FUT8: variants seen among roughly 807,000 people sequenced by gnomAD.
The protein encoded by FUT8 is alpha-(1,6)-fucosyltransferase.
FUT8 carries 29 observed loss-of-function variants against 71.3 expected under a neutral mutation model. That is an observed-to-expected ratio of 0.41 (90% CI 0.30 to 0.55). The LOEUF is 0.55. Among genes scored for constraint, FUT8 ranks in the 20% least tolerant of loss-of-function variants. The pLI, the probability that FUT8 is intolerant of heterozygous loss-of-function variation, is 0.34. For synonymous variants in FUT8, 254 were observed against 239.3 expected, an observed-to-expected ratio of 1.06 and a Z score of -0.57; for missense variants, 544 against 702.1, an observed-to-expected ratio of 0.77 and a Z score of 2.55.
intron 2 of FUT8, among the ~76,000 whole-genome samples, chr14:65,504,005 C>T (rs1289064322): frequency 6.6e-6 from 1 of 152,134 alleles, no homozygotes; most frequent in Non-Finnish European, 1.5e-5. Context: ...TGGCTGATTG[C>T]CGCAGTTGGA....
At chr14:65,447,542 A>T (rs1407401663) in intron 1 of FUT8, among the ~76,000 whole-genome samples, 1 of 151,800 alleles carries the variant, frequency 6.6e-6, no homozygotes, top group Non-Finnish European at 1.5e-5. Flanking sequence ...TCTTCTGAAA[A>T]TTTTTTTTCT....
intron 1 of FUT8, among the ~76,000 whole-genome samples, chr14:65,428,254 A>G (rs1181016845): frequency 6.6e-6 from 1 of 152,218 alleles, no homozygotes; most frequent in Non-Finnish European, 1.5e-5. Context: ...CTGGATCAAA[A>G]AAATGAGGCT....
chr14:65,716,371 C>T (rs535998520), intron 7 of FUT8, among the ~76,000 whole-genome samples: 1 of 146,554 alleles, frequency 6.8e-6, no homozygotes, highest in African/African-American at 2.5e-5. Flanking sequence ...TATATAGTGA[C>T]CTTCTTTGTC....
chr14:65,383,265 C>CTTTTTTTTTTTTTTTTTTT, the FUT8 span, among the ~76,000 whole-genome samples: 7 of 86,514 alleles, frequency 8.1e-5, no homozygotes, highest in African/African-American at 2.0e-4. Context: ...TTTTTCTTTT[C>CTTTTTTTTTTTTTTTTTTT]TTTTTTTTTT....
the FUT8 span, among the ~76,000 whole-genome samples, chr14:65,380,000 G>C: frequency 6.6e-6 from 1 of 152,162 alleles, no homozygotes; most frequent in Non-Finnish European, 1.5e-5. Context: ...CTTCCCCAAA[G>C]GCCCCACCTC....
chr14:65,505,279 A>G (rs1340740723), intron 2 of FUT8, among the ~76,000 whole-genome samples: 3 of 149,450 alleles, frequency 2.0e-5, no homozygotes, highest in African/African-American at 4.9e-5. Context: ...TACTTTAGCT[A>G]GAAACTATGT....
At chr14:65,442,179 CT>C (rs1021625986) in intron 1 of FUT8, among the ~76,000 whole-genome samples, 3,279 of 140,410 alleles carry the variant, frequency 0.023, 54 homozygotes, top group African/African-American at 0.055. Context: ...TAAGGGTGGA[CT>C]TTTTTTTTTT....
intron 1 of FUT8, among the ~76,000 whole-genome samples, chr14:65,417,615 A>G (rs985102405): frequency 2.0e-5 from 3 of 152,144 alleles, no homozygotes; most frequent in African/African-American, 7.2e-5. Flanking sequence ...TTACCCATCT[A>G]CTTTAAAAAA....
At chr14:65,426,945 G>C (rs1299928116) in intron 1 of FUT8, among the ~76,000 whole-genome samples, 1 of 151,922 alleles carries the variant, frequency 6.6e-6, no homozygotes, top group African/African-American at 2.4e-5. Context: ...TGTAAGCTCT[G>C]CCTCCCGGGT....
At chr14:65,640,136 A>G (rs536745316) in intron 6 of FUT8, among the ~76,000 whole-genome samples, 2 of 152,200 alleles carry the variant, frequency 1.3e-5, no homozygotes, top group East Asian at 3.9e-4. Context: ...TAAAGAAATA[A>G]AGCAATAAAG....
At chr14:65,570,423 G>A (rs1886408280) in intron 3 of FUT8, among the ~76,000 whole-genome samples, 1 of 151,476 alleles carries the variant, frequency 6.6e-6, no homozygotes, top group African/African-American at 2.4e-5. Flanking sequence ...TTTTCTGGGA[G>A]TGGTGGGGAG....
At chr14:65,383,274 T>TTTTTTTC in the FUT8 span, among the ~76,000 whole-genome samples, 5 of 86,854 alleles carry the variant, frequency 5.8e-5, no homozygotes, top group South Asian at 2.7e-3. Flanking sequence ...TCTTTTTTTT[T>TTTTTTTC]TTTTTTTTTT....
intron 7 of FUT8, among the ~76,000 whole-genome samples, chr14:65,680,663 G>A (rs551429806): frequency 3.3e-5 from 5 of 152,262 alleles, no homozygotes; most frequent in African/African-American, 4.8e-5. Flanking sequence ...GAAAGTATAC[G>A]TTTCTTTAAC....
intron 7 of FUT8, among the ~76,000 whole-genome samples, chr14:65,675,228 G>C (rs1383323543): frequency 6.6e-6 from 1 of 151,754 alleles, no homozygotes; most frequent in Non-Finnish European, 1.5e-5. Context: ...TGACCCTTGT[G>C]AGCCTACACT....
rs1479843749 is a variant in FUT8 at position 65,607,898 on chromosome 14, A to G, written c.204-8080A>G. On this transcript the variant is annotated intron_variant, in intron 3 of 10. Transcript: ENST00000673929. The surrounding 1 kb of genome is among the most constrained non-coding windows in gnomAD (Gnocchi z 4.1). ...GCCAACATGGTGAAACCCCGTCTCT[A>G]CGAAAAATACAAAAAAATTAGCTGG... Among the ~76,000 whole-genome samples the G allele has an allele frequency of 6.6e-6, 1 of 151,690 alleles. No homozygotes were observed. Among genetic ancestry groups the G allele is most frequent in the Non-Finnish European group, 1.5e-5 (1 of 67,844 alleles).
intron 3 of FUT8, among the ~76,000 whole-genome samples, chr14:65,564,770 A>C (rs1293990860): frequency 6.6e-6 from 1 of 152,018 alleles, no homozygotes; most frequent in Non-Finnish European, 1.5e-5. Context: ...ATTGAATTAC[A>C]TAGTATGTAG....
At chr14:65,515,272 G>GT (rs1480527969) in intron 2 of FUT8, among the ~76,000 whole-genome samples, 1 of 152,098 alleles carries the variant, frequency 6.6e-6, no homozygotes, top group Non-Finnish European at 1.5e-5. Context: ...CTAAGGGAAA[G>GT]TAAGTCTCTA....
At chr14:65,599,335 T>G (rs1385512220) in intron 3 of FUT8, among the ~76,000 whole-genome samples, 1 of 152,226 alleles carries the variant, frequency 6.6e-6, no homozygotes, top group Non-Finnish European at 1.5e-5. Context: ...CTCCCTATAC[T>G]TCTAACAGTG....
intron 6 of FUT8, among the ~76,000 whole-genome samples, chr14:65,631,261 C>T (rs1353147669): frequency 1.3e-5 from 2 of 152,084 alleles, no homozygotes; most frequent in Non-Finnish European, 2.9e-5. Context: ...CCTCCATTTC[C>T]TCTTATTCGT....
Sources: allele counts gnomAD v4.1 joint callset (sites outside exome capture counted in the v4.1 genomes callset), GRCh38; gene constraint gnomAD v4.1.1; non-coding constraint Gnocchi (gnomAD v3.1); transcripts MANE v1.5; gene names NCBI Gene and HGNC (gene_info 2026-07-23, HGNC 2026-07-21).